Variants in TMEM117 observed in about 807,000 individuals in gnomAD.
TMEM117 encodes the protein transmembrane protein 117.
A neutral mutation model predicts 52.4 loss-of-function variants in TMEM117; 27 were observed. The ratio of observed to expected loss-of-function variants is 0.51; its 90% CI spans 0.38 to 0.71. The LOEUF (loss-of-function observed/expected upper bound fraction) is 0.71, where lower values mean the gene tolerates loss of function less well. Among genes scored for constraint, TMEM117 ranks in the 30% least tolerant of loss-of-function variants. TMEM117 has a pLI of 0.00. For synonymous variants in TMEM117, 215 were observed against 206.3 expected (o/e 1.04, Z -0.36); for missense variants, 556 against 630.5 (o/e 0.88, Z 1.26).
chr12:44,114,470 G>A (rs545307891), intron 3 of TMEM117, among the ~76,000 whole-genome samples: 1 of 152,256 alleles, frequency 6.6e-6, no homozygotes, highest in South Asian at 2.1e-4. Context: ...ACTGAACCCA[G>A]ATCTCAAGAG....
At chr12:44,061,121 G>T (rs932884579) in intron 3 of TMEM117, among the ~76,000 whole-genome samples, 3 of 152,164 alleles carry the variant, frequency 2.0e-5, no homozygotes, top group African/African-American at 7.2e-5. Flanking sequence ...AGTGGCAATT[G>T]AGTTGAAAAT....
chr12:44,269,395 G>A (rs1456940174), intron 5 of TMEM117, among the ~76,000 whole-genome samples: 1 of 151,888 alleles, frequency 6.6e-6, no homozygotes, highest in East Asian at 1.9e-4. Context: ...GTTTCACACA[G>A]TAATTATTAA....
chr12:44,031,418 G>A (rs1172755746), intron 3 of TMEM117, among the ~76,000 whole-genome samples: 2 of 152,140 alleles, frequency 1.3e-5, no homozygotes, highest in East Asian at 3.9e-4. Flanking sequence ...TTATAGTCAG[G>A]TATAGGACTT....
the TMEM117 span, among the ~76,000 whole-genome samples, chr12:43,826,668 A>C: frequency 6.6e-6 from 1 of 152,202 alleles, no homozygotes; most frequent in Non-Finnish European, 1.5e-5. Flanking sequence ...TGTGTAGTCC[A>C]ATTTCCTTAC....
At chr12:44,358,461 G>A (rs905263652) in intron 6 of TMEM117, among the ~76,000 whole-genome samples, 2 of 152,124 alleles carry the variant, frequency 1.3e-5, no homozygotes, top group African/African-American at 4.8e-5. Flanking sequence ...TCAGGTAGTT[G>A]TTGGCTATGC....
intron 5 of TMEM117, among the ~76,000 whole-genome samples, chr12:44,258,331 G>T (rs185093772): frequency 6.6e-6 from 1 of 152,028 alleles, no homozygotes; most frequent in African/African-American, 2.4e-5. Context: ...ATGAGCAGCC[G>T]TGGCCTCATT....
intron 3 of TMEM117, among the ~76,000 whole-genome samples, chr12:44,098,347 T>C (rs1358920919): frequency 1.3e-5 from 2 of 151,970 alleles, no homozygotes; most frequent in African/African-American, 2.4e-5. Context: ...TTCCAGAACA[T>C]CTCTCCTTTG....
At chr12:44,247,914 C>G (rs17094343) in intron 5 of TMEM117, among the ~76,000 whole-genome samples, 3 of 152,114 alleles carry the variant, frequency 2.0e-5, no homozygotes, top group African/African-American at 7.2e-5. Context: ...GCCTGTGGAA[C>G]CTCTTATGCC....
intron 2 of TMEM117, among the ~76,000 whole-genome samples, chr12:43,883,333 T>C (rs1943930809): frequency 6.6e-6 from 1 of 152,212 alleles, no homozygotes; most frequent in Non-Finnish European, 1.5e-5. Context: ...CTTCTTGATG[T>C]ATTATAGTAC....
At chr12:43,957,277 A>G (rs891717612) in intron 3 of TMEM117, among the ~76,000 whole-genome samples, 1 of 151,958 alleles carries the variant, frequency 6.6e-6, no homozygotes, top group Non-Finnish European at 1.5e-5. Flanking sequence ...AAACAAACCT[A>G]CTCATCCTGC....
chr12:43,931,483 G>T (rs182318156), intron 2 of TMEM117, among the ~76,000 whole-genome samples: 2 of 152,298 alleles, frequency 1.3e-5, no homozygotes. Context: ...GCCCGGGAAT[G>T]ATACTGTTGA....
intron 3 of TMEM117, among the ~76,000 whole-genome samples, chr12:44,078,102 AAC>A (rs1947411802): frequency 6.6e-6 from 1 of 152,204 alleles, no homozygotes; most frequent in Non-Finnish European, 1.5e-5. Flanking sequence ...TGTTGATAAA[AAC>A]TCAGAAAAAG....
chr12:43,970,563 C>T (rs926866838), intron 3 of TMEM117, among the ~76,000 whole-genome samples: 8 of 152,310 alleles, frequency 5.3e-5, no homozygotes, highest in Admixed American at 3.9e-4. Flanking sequence ...GCTGGGATTA[C>T]AGACATGAGC....
the TMEM117 span, among the ~76,000 whole-genome samples, chr12:43,799,051 C>A: frequency 1.3e-5 from 2 of 151,952 alleles, no homozygotes; most frequent in Non-Finnish European, 2.9e-5. Context: ...CTTCAGGCAA[C>A]CTTATTAGAT....
At chr12:44,122,384 A>G (rs1948251909) in intron 3 of TMEM117, among the ~76,000 whole-genome samples, 2 of 151,938 alleles carry the variant, frequency 1.3e-5, no homozygotes, top group Non-Finnish European at 2.9e-5. Context: ...TCATGGTTCT[A>G]TATGTAGCAC....
chr12:44,072,379 G>A (rs182375415), intron 3 of TMEM117, among the ~76,000 whole-genome samples: 12 of 152,214 alleles, frequency 7.9e-5, no homozygotes, highest in Admixed American at 7.2e-4. Context: ...TCACATTCCC[G>A]TTCCTCTCTC....
intron 6 of TMEM117, among the ~76,000 whole-genome samples, chr12:44,325,056 C>A (rs1213160886): frequency 6.6e-6 from 1 of 152,122 alleles, no homozygotes; most frequent in African/African-American, 2.4e-5. Context: ...ACAAAGAGGA[C>A]TGTATTTATA....
chr12:43,862,086 C>T (rs1943499385), intron 2 of TMEM117, among the ~76,000 whole-genome samples: 1 of 152,186 alleles, frequency 6.6e-6, no homozygotes, highest in Admixed American at 6.5e-5. Context: ...GCTTCGCTGT[C>T]TGCTTGAGTC....
chr12:44,367,788 G>T (rs1302940934), intron 6 of TMEM117, among the ~76,000 whole-genome samples: 1 of 151,964 alleles, frequency 6.6e-6, no homozygotes, highest in Non-Finnish European at 1.5e-5. Context: ...CAAGTGTATT[G>T]GTTCCCCAAT....
Sources: gnomAD v4.1 joint callset for allele counts (sites outside exome capture counted in the v4.1 genomes callset) on GRCh38, gnomAD v4.1.1 for gene constraint, MANE v1.5 for transcripts, NCBI Gene and HGNC (gene_info 2026-07-23, HGNC 2026-07-21) for gene names.